Variants in MAP2K5 observed in about 807,000 individuals in gnomAD.
MAP2K5 encodes mitogen-activated protein kinase kinase 5.
A neutral mutation model predicts 83.1 loss-of-function variants in MAP2K5; 49 were observed. The observed-to-expected ratio is 0.59, with a 90% CI of 0.47 to 0.75. MAP2K5 has a LOEUF of 0.75. Among genes scored for constraint, MAP2K5 ranks in the 30% least tolerant of loss-of-function variants. The pLI is 0.00. For missense variants in MAP2K5, 457 were observed against 557.5 expected (o/e 0.82, Z 1.82); for synonymous variants, 202 against 191.8 (o/e 1.05, Z -0.44).
At chr15:67,721,893 G>T (rs1389897944) in intron 16 of MAP2K5, among the ~76,000 whole-genome samples, 2 of 152,158 alleles carry the variant, frequency 1.3e-5, no homozygotes, top group Non-Finnish European at 2.9e-5. Context: ...ATGGAAGGGT[G>T]TACACAGTTT....
intron 14 of MAP2K5, among the ~76,000 whole-genome samples, chr15:67,692,922 G>A (rs2088153679): frequency 6.6e-6 from 1 of 152,296 alleles, no homozygotes; most frequent in South Asian, 2.1e-4. Context: ...AGCAACAATG[G>A]TGGAGGGCCA....
At chr15:67,688,807 G>A (rs2088024383) in intron 13 of MAP2K5, among the ~76,000 whole-genome samples, 1 of 152,142 alleles carries the variant, frequency 6.6e-6, no homozygotes, top group African/African-American at 2.4e-5. Flanking sequence ...CCAAATTTGT[G>A]ACAGGATCAA....
At chr15:67,632,183 TCC>T (rs1355200465) in intron 9 of MAP2K5, among the ~76,000 whole-genome samples, 1 of 150,152 alleles carries the variant, frequency 6.7e-6, no homozygotes, top group African/African-American at 2.4e-5. Context: ...CACTACAGCC[TCC>T]ACCTCACAGG....
intron 16 of MAP2K5, among the ~76,000 whole-genome samples, chr15:67,718,593 G>A (rs957568720): frequency 1.1e-4 from 16 of 151,898 alleles, no homozygotes; most frequent in African/African-American, 3.6e-4. Context: ...ATGAATCCCC[G>A]TCTCTACTAA....
Position 67,664,575 on chromosome 15 carries a change from G to A in MAP2K5, c.799-22G>A, listed in dbSNP as rs1254527085. The A allele has an allele frequency of 2.8e-6, 4 of 1,420,822 alleles. No individual in the cohort carries two copies. The South Asian group carries it at 4.7e-5, about 17-fold the overall frequency. The allele number at this position is 1,420,822 out of a possible 1,614,324, so 88.0% of individuals were successfully genotyped here. On this transcript the variant is annotated intron_variant, in intron 12 of 21. Coordinates refer to ENST00000178640, the MANE Select transcript of MAP2K5 (RefSeq NM_145160.3). ...AAAAACCATAATTGATAATTGTACT[G>A]TTTTCTTTTTCCTAAATTTAGGTTG...
chr15:67,619,318 A>G (rs2086127047), intron 8 of MAP2K5, among the ~76,000 whole-genome samples: 1 of 152,042 alleles, frequency 6.6e-6, no homozygotes, highest in Non-Finnish European at 1.5e-5. Context: ...CCCCCACCTC[A>G]CATATTGTAT....
intron 3 of MAP2K5, among the ~76,000 whole-genome samples, chr15:67,574,735 CG>C (rs573837038): frequency 1.1e-3 from 153 of 145,494 alleles, no homozygotes; most frequent in African/African-American, 3.7e-3. Context: ...GGCGTGGTGT[CG>C]GGCGCCTGTA....
intron 21 of MAP2K5, among the ~76,000 whole-genome samples, chr15:67,800,052 G>A (rs2090675187): frequency 6.6e-6 from 1 of 152,152 alleles, no homozygotes; most frequent in African/African-American, 2.4e-5. Context: ...GCCACGCCCA[G>A]CCTGGAAGGA....
intron 13 of MAP2K5, among the ~76,000 whole-genome samples, chr15:67,691,814 A>G (rs1292388356): frequency 1.3e-5 from 2 of 152,240 alleles, no homozygotes; most frequent in African/African-American, 4.8e-5. Context: ...TGTTAACTAT[A>G]ACAGCAGCCA....
intron 21 of MAP2K5, among the ~76,000 whole-genome samples, chr15:67,804,135 G>C (rs905070769): frequency 1.3e-5 from 2 of 152,130 alleles, no homozygotes; most frequent in Admixed American, 1.3e-4. Flanking sequence ...CTCCAGTGCC[G>C]TCACGACCCC....
intron 3 of MAP2K5, among the ~76,000 whole-genome samples, chr15:67,578,131 G>C (rs2085102315): frequency 1.3e-5 from 2 of 152,364 alleles, no homozygotes; most frequent in South Asian, 2.1e-4. Flanking sequence ...ATGAGGCACA[G>C]TGAGCATTTT....
chr15:67,697,159 G>A (rs1219883938), intron 15 of MAP2K5, among the ~76,000 whole-genome samples: 1 of 151,950 alleles, frequency 6.6e-6, no homozygotes, highest in Non-Finnish European at 1.5e-5. Context: ...AAAATTGCAG[G>A]AATACATAAT....
At chr15:67,759,819 C>T (rs1165564634) in intron 19 of MAP2K5, among the ~76,000 whole-genome samples, 1 of 152,218 alleles carries the variant, frequency 6.6e-6, no homozygotes, top group Non-Finnish European at 1.5e-5. Flanking sequence ...ACTCCAACCA[C>T]TCCCACAAAC....
At position 67,640,348 on chromosome 15, in the gene MAP2K5, C is replaced by T. The variant is rs529659992; in HGVS notation, c.586-5883C>T. Among the ~76,000 whole-genome samples, 5 of 152,214 alleles carry T rather than the reference C, an allele frequency of 3.3e-5. No homozygotes were observed. Among genetic ancestry groups the T allele is most frequent in the African/African-American group, 1.2e-4 (5 of 41,536 alleles). Reference sequence around the variant, plus strand: ...TCTTTATATGGACCATTGCTCTCACCCAGAATATTTCTTAGCTTTTTTTAT... The same window carrying T: ...TCTTTATATGGACCATTGCTCTCACTCAGAATATTTCTTAGCTTTTTTTAT... On this transcript the variant is annotated intron_variant, in intron 9 of 21. Transcript: ENST00000178640. This position sits in a 1 kb window ranked among gnomAD's most constrained non-coding sequence, Gnocchi z 4.6.
chr15:67,628,826 C>G (rs182532521), intron 8 of MAP2K5: 121 of 749,304 alleles, frequency 1.6e-4, no homozygotes, highest in Admixed American at 5.2e-4. Flanking sequence ...TGGTCATGGA[C>G]GAAACTTCAG....
intron 6 of MAP2K5, among the ~76,000 whole-genome samples, chr15:67,592,288 C>A (rs187641057): frequency 2.6e-5 from 4 of 152,204 alleles, no homozygotes; most frequent in African/African-American, 9.6e-5. Context: ...TGTAAAAACA[C>A]ACCTGCTATG....
rs1026479114 is a variant in MAP2K5, at chr15:67,638,012, CT to C, written c.585+7093del. On this transcript the variant is annotated intron_variant, in intron 9 of 21. Coordinates refer to ENST00000178640, the MANE Select transcript of MAP2K5 (RefSeq NM_145160.3). This position sits in a 1 kb window ranked among gnomAD's most constrained non-coding sequence, Gnocchi z 4.5. The stretch of plus-strand genomic sequence containing the variant: ...TAACTTTTAATTTAACTTTTTTTAA[CT>C]TTTTTTTACTTTTAATTTTTTAAAA... Among the ~76,000 whole-genome samples, 8 of 149,220 alleles carry C rather than the reference CT, an allele frequency of 5.4e-5. No homozygotes were observed. The highest frequency in any genetic ancestry group is 2.0e-4 in the East Asian group (1 of 5,074).
intron 2 of MAP2K5, 106 bp downstream of exon 2, chr15:67,550,188 G>T: frequency 2.5e-6 from 2 of 791,626 alleles, no homozygotes; most frequent in East Asian, 2.5e-5. Context: ...GATTATTTAT[G>T]ACCATCATAT....
intron 1 of MAP2K5, among the ~76,000 whole-genome samples, chr15:67,547,077 A>AAGACACACACAC (rs1555524639): frequency 2.8e-5 from 4 of 144,092 alleles, no homozygotes; most frequent in Non-Finnish European, 4.5e-5. Context: ...AAAAGAAGAA[A>AAGACACACACAC]ACACACACAC....
Sources: allele counts gnomAD v4.1 joint callset (sites outside exome capture counted in the v4.1 genomes callset), GRCh38; gene constraint gnomAD v4.1.1; non-coding constraint Gnocchi (gnomAD v3.1); transcripts MANE v1.5; gene names NCBI Gene and HGNC (gene_info 2026-07-23, HGNC 2026-07-21).